The following SLC6A17 variants were observed in gnomAD, a reference collection of about 807,000 sequenced individuals.
The protein encoded by SLC6A17 is sodium-dependent neutral amino acid transporter SLC6A17.
A neutral mutation model predicts 64.5 loss-of-function variants in SLC6A17; 21 were observed. That is an observed-to-expected ratio of 0.33 (90% CI 0.23 to 0.47). The LOEUF is 0.47. Among genes scored for constraint, SLC6A17 ranks in the 20% least tolerant of loss-of-function variants. The pLI is 1.00. For synonymous variants in SLC6A17, 372 were observed against 399.5 expected (o/e 0.93, Z 0.82); for missense variants, 682 against 963.2 (o/e 0.71, Z 3.86).
chr1:110,192,661 G>A lies in SLC6A17; in HGVS notation c.1262G>A (p.Gly421Asp), dbSNP rs1397311560. 2.5e-6 allele frequency: 4 copies of A among 1,614,006 alleles called. No individual in the cohort carries two copies. Among genetic ancestry groups the A allele is most frequent in the Admixed American group, 1.7e-5 (1 of 60,006 alleles). ...TVKEDQFSAL[G>D]LDPCLLEDEL... The stretch of plus-strand genomic sequence containing the variant: ...AAGGAGGACCAGTTCTCAGCCCTGG[G>A]CCTTGACCCCTGCCTTCTGGAGGAC... Residue 421 changes from glycine to aspartate, a missense_variant, in exon 8 of 12, where the codon GGC becomes GAC. Physicochemically the swap from Gly to Asp is moderately conservative, Grantham distance 94. Transcript: ENST00000331565. The surrounding 1 kb of genome is among the most constrained non-coding windows in gnomAD (Gnocchi z 4.3).
intron 1 of SLC6A17, among the ~76,000 whole-genome samples, chr1:110,155,474 G>A (rs1162209924): frequency 6.6e-6 from 1 of 152,186 alleles, no homozygotes; most frequent in Non-Finnish European, 1.5e-5. Flanking sequence ...TCTGGGTCAG[G>A]TGAGTTCTAG....
chr1:110,165,882 C>T (rs1656038600), intron 1 of SLC6A17, among the ~76,000 whole-genome samples: 1 of 152,214 alleles, frequency 6.6e-6, no homozygotes, highest in South Asian at 2.1e-4. Flanking sequence ...AATTTTAAAT[C>T]CTCCAACCTT....
At chr1:110,177,257 A>G (rs1342696697) in intron 6 of SLC6A17, among the ~76,000 whole-genome samples, 7 of 152,188 alleles carry the variant, frequency 4.6e-5, no homozygotes, top group Non-Finnish European at 8.8e-5. Flanking sequence ...AGAAGTTACT[A>G]TTTTATTAAA....
intron 1 of SLC6A17, among the ~76,000 whole-genome samples, chr1:110,154,700 C>CA (rs1183515199): frequency 6.6e-6 from 1 of 152,076 alleles, no homozygotes; most frequent in Non-Finnish European, 1.5e-5. Context: ...TGAGAGGAGT[C>CA]AGAGCCGGTG....
chr1:110,197,690 C>G (rs948066889), intron 11 of SLC6A17, 91 bp downstream of exon 11: 14 of 1,395,072 alleles, frequency 1.0e-5, no homozygotes, highest in Non-Finnish European at 1.3e-5. Context: ...TCTAGGGCAG[C>G]TGCTATGTGC....
chr1:110,181,481 C>T lies in SLC6A17; in HGVS notation c.864+4742C>T, dbSNP rs539159411. On this transcript the variant is annotated intron_variant, in intron 6 of 11. Coordinates refer to ENST00000331565, the MANE Select transcript of SLC6A17 (RefSeq NM_001010898.4). Reference sequence around the variant, plus strand: ...CTGTTACGTGCACTGTTCCGAGTCACGGGATCCAGCAGTGAACAAAGCAGA... The same window carrying T: ...CTGTTACGTGCACTGTTCCGAGTCATGGGATCCAGCAGTGAACAAAGCAGA... Among the ~76,000 whole-genome samples the T allele has an allele frequency of 2.6e-5, 4 of 152,336 alleles. No homozygotes were observed. In the South Asian group the frequency reaches 8.3e-4, roughly 32 times the overall value.
In SLC6A17 at chr1:110,201,809, C is replaced by G. The variant is rs1424133079; in HGVS notation, c.*3365C>G. ...CCTTCCTCACCCCCACGCCCCACCC[C>G]ACTCCCCCAGAGTACTCCCCACTGT... On this transcript the variant is annotated 3_prime_UTR_variant, in exon 12 of 12. Transcript: ENST00000331565. The G allele has an allele frequency of 6.6e-6, 1 of 152,314 alleles. No individual in the cohort carries two copies. The highest frequency in any genetic ancestry group is 1.5e-5 in the Non-Finnish European group (1 of 68,226). The allele number at this position is 152,314 out of a possible 1,614,324, so 9.4% of individuals were successfully genotyped here. A position where few individuals can be genotyped will look rare whatever the true frequency, so the allele number is the denominator to read the frequency against.
chr1:110,192,985 C>T lies in SLC6A17; in HGVS notation c.1299+287C>T, dbSNP rs1046844685. Among the ~76,000 whole-genome samples, 6 of 152,202 alleles carry T rather than the reference C, an allele frequency of 3.9e-5. No homozygotes were observed. The highest frequency in any genetic ancestry group is 1.9e-4 in the East Asian group (1 of 5,206). On this transcript the variant is annotated intron_variant, in intron 8 of 11. Transcript: ENST00000331565. This position sits in a 1 kb window ranked among gnomAD's most constrained non-coding sequence, Gnocchi z 4.3. ...GTTTCCATTTACTGAGTGGGCTTCT[C>T]GTGCATCAGTCACTGCCACAGGTAA...
chr1:110,166,524 C>G (rs1040544542), intron 1 of SLC6A17, among the ~76,000 whole-genome samples: 3 of 152,234 alleles, frequency 2.0e-5, no homozygotes, highest in African/African-American at 7.2e-5. Flanking sequence ...CTTGAGCACT[C>G]TAAGCTCTGC....
At chr1:110,193,562 C>T (rs1236722382) in intron 8 of SLC6A17, among the ~76,000 whole-genome samples, 4 of 152,218 alleles carry the variant, frequency 2.6e-5, no homozygotes, top group Non-Finnish European at 5.9e-5. Context: ...CTTCATGGGA[C>T]TGGGGAAGGG....
At position 110,192,778 on chromosome 1, in the gene SLC6A17, C is replaced by A; in HGVS notation, c.1299+80C>A. On this transcript the variant is annotated intron_variant, in intron 8 of 11. Coordinates refer to ENST00000331565, the MANE Select transcript of SLC6A17 (RefSeq NM_001010898.4). This position sits in a 1 kb window ranked among gnomAD's most constrained non-coding sequence, Gnocchi z 4.3. ...GGCCGGCGGGAGCTTGGGCTCAGGC[C>A]TCAGGATGCTGACAGGTAGTCATTA... is the stretch of plus-strand genomic sequence containing the variant. The A allele has an allele frequency of 6.9e-7, 1 of 1,441,642 alleles. No individual in the cohort carries two copies. The highest frequency in any genetic ancestry group is 9.4e-7 in the Non-Finnish European group (1 of 1,067,188). The allele number at this position is 1,441,642 out of a possible 1,614,324, so 89.3% of individuals were successfully genotyped here.
rs1402858799 is a variant in SLC6A17 at position 110,199,887 on chromosome 1, G to GTGGA, written c.*1453_*1456dup. 2.6e-6 allele frequency: 1 copy of GTGGA among 388,880 alleles called. No individual in the cohort carries two copies. The highest frequency in any genetic ancestry group is 4.5e-6 in the Non-Finnish European group (1 of 221,192). The allele number at this position is 388,880 out of a possible 1,614,324, so 24.1% of individuals were successfully genotyped here. A position where few individuals can be genotyped will look rare whatever the true frequency, so the allele number is the denominator to read the frequency against. On this transcript the variant is annotated 3_prime_UTR_variant, in exon 12 of 12. Coordinates refer to ENST00000331565, the MANE Select transcript of SLC6A17 (RefSeq NM_001010898.4). Reference sequence around the variant, plus strand: ...TGGATGGATGGGTTGGGGAGTGGGGGTGGATGGATGGATAGATGGATGGAT... The same window carrying GTGGA: ...TGGATGGATGGGTTGGGGAGTGGGGGTGGATGGATGGATGGATAGATGGATGGAT...
intron 1 of SLC6A17, among the ~76,000 whole-genome samples, chr1:110,162,707 G>C (rs1486607997): frequency 6.6e-6 from 1 of 152,188 alleles, no homozygotes; most frequent in East Asian, 1.9e-4. Context: ...ATGGCTTCAG[G>C]GAACTGGGGG....
At chr1:110,182,302 G>A (rs992001159) in intron 6 of SLC6A17, among the ~76,000 whole-genome samples, 11 of 152,188 alleles carry the variant, frequency 7.2e-5, no homozygotes, top group African/African-American at 2.4e-4. Context: ...ATGGAGATGG[G>A]GAAGACAGTG....
intron 5 of SLC6A17, among the ~76,000 whole-genome samples, chr1:110,175,520 T>C: frequency 6.6e-6 from 1 of 152,178 alleles, no homozygotes; most frequent in East Asian, 1.9e-4. Flanking sequence ...CTTTCTTACT[T>C]GTCACATACC....
At chr1:110,194,860 ACCCC>A in intron 9 of SLC6A17, 89 bp downstream of exon 9, 2 of 1,511,068 alleles carry the variant, frequency 1.3e-6, no homozygotes, top group Non-Finnish European at 1.8e-6. Context: ...GTCCTTCATG[ACCCC>A]ACACCCAGAA....
intron 2 of SLC6A17, among the ~76,000 whole-genome samples, chr1:110,171,421 C>G (rs1257263737): frequency 6.6e-6 from 1 of 152,178 alleles, no homozygotes; most frequent in Non-Finnish European, 1.5e-5. Context: ...TTTAGCGAGA[C>G]CCATTCTATC....
chr1:110,176,758 C>T lies in SLC6A17; in HGVS notation c.864+19C>T, dbSNP rs1392423505. ...TCCCAAGGTAAGGGTTTGGGGCTCCCACATGCCAGGGAACAGCAACAGGTC... is the reference window on the plus strand; with the variant it reads ...TCCCAAGGTAAGGGTTTGGGGCTCCTACATGCCAGGGAACAGCAACAGGTC... On this transcript the variant is annotated intron_variant, in intron 6 of 11. Transcript: ENST00000331565. 13 of 1,601,322 alleles carry T rather than the reference C, an allele frequency of 8.1e-6. No individual in the cohort carries two copies. The highest frequency in any genetic ancestry group is 1.1e-5 in the Non-Finnish European group (13 of 1,171,082).
chr1:110,186,415 A>G (rs1656684565), intron 6 of SLC6A17, among the ~76,000 whole-genome samples: 1 of 149,318 alleles, frequency 6.7e-6, no homozygotes, highest in African/African-American at 2.5e-5. Context: ...TGTGAAAATG[A>G]TTGACATAGA....
Sources: gnomAD v4.1 joint callset for allele counts (sites outside exome capture counted in the v4.1 genomes callset) on GRCh38, gnomAD v4.1.1 for gene constraint, Gnocchi (gnomAD v3.1) non-coding constraint, MANE v1.5 for transcripts, NCBI Gene and HGNC (gene_info 2026-07-23, HGNC 2026-07-21) for gene names.